Variants in ESCO2 observed in about 807,000 individuals in gnomAD.
ESCO2 encodes the protein establishment of sister chromatid cohesion N-acetyltransferase 2, also known as N-acetyltransferase ESCO2.
In ESCO2, 51 loss-of-function variants were observed where a neutral mutation model predicts 61.7. The observed-to-expected ratio is 0.83, with a 90% CI of 0.66 to 1.04. ESCO2 has a LOEUF of 1.04. Ranked by LOEUF, ESCO2 falls within the 50% of genes least tolerant of loss-of-function variation. The pLI, the probability that ESCO2 is intolerant of heterozygous loss-of-function variation, is 0.00. For missense variants in ESCO2, 692 were observed against 686.2 expected (o/e 1.01, Z -0.09); for synonymous variants, 230 against 238.2 (o/e 0.97, Z 0.32).
chr8:27,817,273 A>C (rs945701504), downstream of ESCO2, among the ~76,000 whole-genome samples: 2 of 152,104 alleles, frequency 1.3e-5, no homozygotes, highest in African/African-American at 2.4e-5. Context: ...CTTCAGCATA[A>C]ACCCAGGGTT....
upstream of ESCO2, among the ~76,000 whole-genome samples, chr8:27,774,101 A>G (rs781533217): frequency 6.6e-6 from 1 of 152,228 alleles, no homozygotes; most frequent in Non-Finnish European, 1.5e-5. Flanking sequence ...TACTAATAAA[A>G]AAAGTGAAAC....
chr8:27,776,508 G>C lies in ESCO2; in HGVS notation c.200G>C (p.Arg67Thr). The C allele has an allele frequency of 6.2e-7, 1 of 1,613,852 alleles. No homozygotes were observed. Among genetic ancestry groups the C allele is most frequent in the South Asian group, 1.1e-5 (1 of 90,964 alleles). Residue 67 changes from arginine to threonine, a missense_variant, in exon 3 of 11, where the codon AGA becomes ACA. Physicochemically the swap from Arg to Thr is moderately conservative, Grantham distance 71 (BLOSUM62 -1). Coordinates refer to ENST00000305188, the MANE Select transcript of ESCO2 (RefSeq NM_001017420.3). ...GCGCTCAAAACAACTGAAATAAATA[G>C]ACTGCCATCAGCAAATCAAGGCTCA... ...LSALKTTEIN[R>T]LPSANQGSPF...
the ESCO2 span, among the ~76,000 whole-genome samples, chr8:27,818,958 GACTAA>G: frequency 6.6e-6 from 1 of 152,026 alleles, no homozygotes; most frequent in Non-Finnish European, 1.5e-5. Context: ...ATCATTTACT[GACTAA>G]ACTACCTCTT....
chr8:27,794,861 C>T lies in ESCO2; in HGVS notation c.1497+2050C>T, dbSNP rs369275865. On this transcript the variant is annotated intron_variant, in intron 9 of 10. Coordinates refer to ENST00000305188, the MANE Select transcript of ESCO2 (RefSeq NM_001017420.3). The stretch of plus-strand genomic sequence containing the variant: ...TCCTTGCCCCATTGTTTGTTCTTGG[C>T]ATGTTTGTCAGACACCAGTTGACTC... 1.8e-4 allele frequency among the ~76,000 whole-genome samples: 27 copies of T among 152,218 alleles called. No homozygotes were observed. The East Asian group carries it at 4.8e-3, about 27-fold the overall frequency.
Position 27,776,909 on chromosome 8 carries a change from C to T in ESCO2, c.601C>T (p.Pro201Ser). ...APRVLSQKIK[P>S]QVTLQGGAAF... ...TCGGGTTCTGAGCCAAAAAATAAAA[C>T]CACAAGTTACACTCCAGGGTGGAGC... The change falls in exon 3 of 11, where the codon CCA becomes TCA. Residue 201 changes from proline (P) to serine (S), a missense_variant. Pro to Ser is a moderately conservative substitution (Grantham distance 74, BLOSUM62 -1). Coordinates refer to ENST00000305188, the MANE Select transcript of ESCO2 (RefSeq NM_001017420.3). 1.2e-6 allele frequency: 2 copies of T among 1,614,112 alleles called. No individual in the cohort carries two copies. The highest frequency in any genetic ancestry group is 4.5e-5 in the East Asian group (2 of 44,878).
intron 9 of ESCO2, among the ~76,000 whole-genome samples, chr8:27,795,872 G>C (rs1431425366): frequency 4.6e-5 from 7 of 152,268 alleles, no homozygotes; most frequent in African/African-American, 1.7e-4. Context: ...CTTTTAATGT[G>C]CTAGTTTGCA....
upstream of ESCO2, among the ~76,000 whole-genome samples, chr8:27,772,351 C>G (rs761526851): frequency 1.3e-5 from 2 of 152,178 alleles, no homozygotes; most frequent in African/African-American, 4.8e-5. Context: ...ATCCTGCAGC[C>G]GTGGGAGGGA....
At chr8:27,786,146 C>T (rs1419418140) in intron 5 of ESCO2, among the ~76,000 whole-genome samples, 7 of 152,192 alleles carry the variant, frequency 4.6e-5, no homozygotes, top group Non-Finnish European at 1.0e-4. Flanking sequence ...ATTAGTAGTT[C>T]ATCAGACCAG....
At chr8:27,786,860 GTTTT>G (rs11305883) in intron 5 of ESCO2, among the ~76,000 whole-genome samples, 1 of 122,190 alleles carries the variant, frequency 8.2e-6, no homozygotes, top group East Asian at 2.3e-4. Flanking sequence ...TGGTACTAGG[GTTTT>G]TTTTTTTTTT....
upstream of ESCO2, chr8:27,772,389 C>CG: frequency 1.1e-6 from 1 of 915,346 alleles, no homozygotes; most frequent in Non-Finnish European, 1.7e-6. Flanking sequence ...CGAGAGGCCG[C>CG]GGGAAGAGGC....
At chr8:27,800,738 A>G (rs533434433) in intron 10 of ESCO2, among the ~76,000 whole-genome samples, 8 of 152,374 alleles carry the variant, frequency 5.3e-5, no homozygotes, top group Admixed American at 3.9e-4. Context: ...TATCGATACA[A>G]TAATAACAAT....
At chr8:27,776,044 A>G (rs1171184990) in intron 2 of ESCO2, among the ~76,000 whole-genome samples, 5 of 152,246 alleles carry the variant, frequency 3.3e-5, no homozygotes, top group Non-Finnish European at 7.3e-5. Flanking sequence ...TGTAAACAAT[A>G]GAGCAAAATA....
At chr8:27,794,320 CTTG>C (rs1329776290) in intron 9 of ESCO2, among the ~76,000 whole-genome samples, 2 of 152,082 alleles carry the variant, frequency 1.3e-5, no homozygotes, top group Non-Finnish European at 2.9e-5. Flanking sequence ...GTGAGGTGAT[CTTG>C]TTTTAATTTG....
At position 27,785,959 on chromosome 8, in the gene ESCO2, AGGTTAT is replaced by A. The variant is rs1399979898; in HGVS notation, c.1013+1908_1013+1913del. 5.3e-5 allele frequency among the ~76,000 whole-genome samples: 8 copies of A among 152,220 alleles called. No individual in the cohort carries two copies. In the South Asian group the frequency reaches 1.7e-3, roughly 32 times the overall value. On this transcript the variant is annotated intron_variant, in intron 5 of 10. Transcript: ENST00000305188. ...AATTAATGTGGTCTTGCTATCAAGG[AGGTTAT>A]GGTTAGAGGAGGGTAGACATTTAAA...
At chr8:27,773,756 A>C (rs2128950159), upstream of ESCO2, 1 of 152,368 alleles carries the variant, frequency 6.6e-6, no homozygotes, top group South Asian at 2.1e-4. Context: ...TGAAAAAATA[A>C]ACATAAAACT....
Position 27,799,623 on chromosome 8 carries a change from T to G in ESCO2, c.1580T>G (p.Val527Gly). Residue 527 changes from valine to glycine, a missense_variant, in exon 10 of 11, where the codon GTA becomes GGA. Physicochemically the swap from Val to Gly is moderately radical, Grantham distance 109. Transcript: ENST00000305188. Reference sequence around the variant, plus strand: ...CCTAGGGCTTGGCAATGTTCAGATGTACCAGAACCTGCAGTCTGTGGGATA... The same window carrying G: ...CCTAGGGCTTGGCAATGTTCAGATGGACCAGAACCTGCAGTCTGTGGGATA... ...ECPRAWQCSD[V>G]PEPAVCGISR... 6.2e-7 allele frequency: 1 copy of G among 1,613,996 alleles called. No individual in the cohort carries two copies. The highest frequency in any genetic ancestry group is 8.5e-7 in the Non-Finnish European group (1 of 1,180,000).
chr8:27,804,702 G>A lies in ESCO2; in HGVS notation c.*1264G>A. 1 of 985,264 alleles carries A rather than the reference G, an allele frequency of 1.0e-6. No individual in the cohort carries two copies. The highest frequency in any genetic ancestry group is 1.2e-6 in the Non-Finnish European group (1 of 829,848). 61.0% of individuals were successfully genotyped at this position (985,264 alleles called of 1,614,324 possible). On this transcript the variant is annotated 3_prime_UTR_variant, in exon 11 of 11. Transcript: ENST00000305188. ...TCATCTGCATTCATTTTATTTGCCT[G>A]TAAGTTAACATGTTTCCAAAATTTA... is the stretch of plus-strand genomic sequence containing the variant.
chr8:27,772,632 C>T (rs1231820479), upstream of ESCO2: 5 of 1,315,568 alleles, frequency 3.8e-6, no homozygotes, highest in African/African-American at 1.5e-5. Context: ...CCGCCTGGCC[C>T]CCGGAACTCC....
downstream of ESCO2, among the ~76,000 whole-genome samples, chr8:27,807,865 G>A (rs934696640): frequency 2.6e-5 from 4 of 152,146 alleles, no homozygotes; most frequent in Non-Finnish European, 5.9e-5. Context: ...GGAACCCTTA[G>A]GGATTAATGC....
Sources: allele counts gnomAD v4.1 joint callset (sites outside exome capture counted in the v4.1 genomes callset), GRCh38; gene constraint gnomAD v4.1.1; transcripts MANE v1.5; gene names NCBI Gene and HGNC (gene_info 2026-07-23, HGNC 2026-07-21).